Variants in IGSF5 observed in about 807,000 individuals in gnomAD.
The protein encoded by IGSF5 is immunoglobulin superfamily 5 like.
Under a neutral mutation model 39.4 loss-of-function variants are expected in IGSF5, and 41 were observed. That is an observed-to-expected ratio of 1.04 (90% CI 0.81 to 1.35). IGSF5 has a LOEUF of 1.35. Among genes scored for constraint, IGSF5 ranks in the 40% most tolerant of loss-of-function variants. The pLI, the probability that IGSF5 is intolerant of heterozygous loss-of-function variation, is 0.00. For synonymous variants in IGSF5, 183 were observed against 175.3 expected (o/e 1.04, Z -0.34); for missense variants, 487 against 494.6 (o/e 0.98, Z 0.15).
rs752381457 is a variant in IGSF5, at chr21:39,779,148, T to C, written c.777T>C (p.Phe259=). The C allele has an allele frequency of 3.1e-6, 5 of 1,614,036 alleles. No individual in the cohort carries two copies. The highest frequency in any genetic ancestry group is 2.2e-5 in the South Asian group (2 of 91,084). The change falls in exon 5 of 9, where the codon TTT becomes TTC. Residue 259 remains phenylalanine, a synonymous_variant. Coordinates refer to ENST00000380588, the MANE Select transcript of IGSF5 (RefSeq NM_001080444.2). ...TATCAAGTTTACCGAGTTTAGGTTT[T>C]TCATTGCCTACTTGGGGCAAAGTTG... ...GVLSSLPSLG[F]SLPTWGKVGL...
At chr21:39,775,391 T>A (rs1035623971) in intron 4 of IGSF5, among the ~76,000 whole-genome samples, 8 of 152,262 alleles carry the variant, frequency 5.3e-5, no homozygotes, top group African/African-American at 1.4e-4. Flanking sequence ...GTGTCGCCTC[T>A]AGTGGGCACA....
At chr21:39,763,150 G>C (rs1426622299) in intron 2 of IGSF5, among the ~76,000 whole-genome samples, 1 of 152,188 alleles carries the variant, frequency 6.6e-6, no homozygotes, top group Non-Finnish European at 1.5e-5. Flanking sequence ...CAGCTCCTGA[G>C]TCTTGAGGCA....
At chr21:39,747,817 A>T (rs1261797239) in intron 2 of IGSF5, among the ~76,000 whole-genome samples, 1 of 152,164 alleles carries the variant, frequency 6.6e-6, no homozygotes, top group Non-Finnish European at 1.5e-5. Context: ...AGCTAGGGTG[A>T]CAACTCCTAA....
chr21:39,731,428 T>C, the IGSF5 span, among the ~76,000 whole-genome samples: 724 of 152,184 alleles, frequency 4.8e-3, 7 homozygotes, highest in African/African-American at 0.015. Flanking sequence ...TCTCTTTGAG[T>C]GTGGGAGAGT....
chr21:39,765,207 G>A (rs1280736137), intron 2 of IGSF5, among the ~76,000 whole-genome samples: 1 of 152,176 alleles, frequency 6.6e-6, no homozygotes, highest in Non-Finnish European at 1.5e-5. Flanking sequence ...ATTTCATCTT[G>A]AGATCCTTAC....
chr21:39,768,524 T>C (rs1453436556), intron 3 of IGSF5, among the ~76,000 whole-genome samples: 3 of 152,148 alleles, frequency 2.0e-5, no homozygotes, highest in African/African-American at 4.8e-5. Flanking sequence ...GATCGCTGAG[T>C]TGGTCCACTT....
intron 8 of IGSF5, among the ~76,000 whole-genome samples, chr21:39,799,550 A>G (rs1417376050): frequency 1.3e-5 from 2 of 151,692 alleles, no homozygotes. Context: ...CATGTATAGC[A>G]TTGTTTCTAA....
chr21:39,799,145 C>G (rs1029085508), intron 8 of IGSF5, among the ~76,000 whole-genome samples: 10 of 152,318 alleles, frequency 6.6e-5, no homozygotes, highest in Admixed American at 3.9e-4. Flanking sequence ...CTCTAAGCAC[C>G]CTCTCCTGCC....
chr21:39,749,089 G>A (rs935184378), intron 2 of IGSF5, among the ~76,000 whole-genome samples: 1 of 152,178 alleles, frequency 6.6e-6, no homozygotes, highest in Non-Finnish European at 1.5e-5. Context: ...AAAGGAAGTA[G>A]CTGGCTCATT....
At chr21:39,779,009 CAT>C (rs2080155276) in intron 4 of IGSF5, 79 bp from the exon 5 acceptor site, 1 of 1,517,764 alleles carries the variant, frequency 6.6e-7, no homozygotes, top group Non-Finnish European at 8.9e-7. Flanking sequence ...TACTAGAAAA[CAT>C]AATGCAACTT....
chr21:39,783,430 A>G (rs116996665), intron 5 of IGSF5, among the ~76,000 whole-genome samples: 16,760 of 152,054 alleles, frequency 0.11, 907 homozygotes, highest in Middle Eastern at 0.16. Flanking sequence ...ATGATATCTC[A>G]TTGTGGTTTT....
intron 5 of IGSF5, among the ~76,000 whole-genome samples, chr21:39,786,382 G>T (rs1345224230): frequency 1.1e-4 from 16 of 146,480 alleles, no homozygotes; most frequent in African/African-American, 3.6e-4. Flanking sequence ...GGCCATCAGA[G>T]AAATGCAAAT....
chr21:39,778,125 C>T (rs751829742), intron 4 of IGSF5, among the ~76,000 whole-genome samples: 38 of 152,222 alleles, frequency 2.5e-4, no homozygotes, highest in Non-Finnish European at 4.6e-4. Context: ...CAGCGTGGTG[C>T]GCTAGGGAGA....
At chr21:39,736,937 C>T in the IGSF5 span, among the ~76,000 whole-genome samples, 30 of 152,140 alleles carry the variant, frequency 2.0e-4, no homozygotes, top group Non-Finnish European at 4.1e-4. Context: ...ACAAAGCACA[C>T]AGGGCACAAA....
chr21:39,778,622 T>C (rs1249147252), intron 4 of IGSF5, among the ~76,000 whole-genome samples: 2 of 152,190 alleles, frequency 1.3e-5, no homozygotes, highest in African/African-American at 4.8e-5. Context: ...GAAGTGACTG[T>C]CCCTCAGAAT....
chr21:39,724,028 T>A, the IGSF5 span, among the ~76,000 whole-genome samples: 40 of 151,004 alleles, frequency 2.6e-4, no homozygotes, highest in African/African-American at 8.8e-4. Flanking sequence ...ATTGCGCCAC[T>A]GCACTCCAGT....
chr21:39,751,666 A>G (rs1025095479), intron 2 of IGSF5, among the ~76,000 whole-genome samples: 16 of 152,232 alleles, frequency 1.1e-4, no homozygotes, highest in Admixed American at 3.3e-4. Context: ...AGTTTTTAAA[A>G]AAACTTTTAC....
At chr21:39,782,662 A>G (rs2080177376) in intron 5 of IGSF5, among the ~76,000 whole-genome samples, 4 of 152,222 alleles carry the variant, frequency 2.6e-5, no homozygotes, top group South Asian at 2.1e-4. Flanking sequence ...TGTACAATGT[A>G]TAATGATCAA....
chr21:39,738,349 C>T, the IGSF5 span, among the ~76,000 whole-genome samples: 1 of 152,130 alleles, frequency 6.6e-6, no homozygotes, highest in Non-Finnish European at 1.5e-5. This position sits in a 1 kb window ranked among gnomAD's most constrained non-coding sequence, Gnocchi z 6.4. Context: ...TGGGGGAAAC[C>T]GCCCAACAGC....
Sources: allele counts gnomAD v4.1 joint callset (sites outside exome capture counted in the v4.1 genomes callset), GRCh38; gene constraint gnomAD v4.1.1; non-coding constraint Gnocchi (gnomAD v3.1); transcripts MANE v1.5; gene names NCBI Gene and HGNC (gene_info 2026-07-23, HGNC 2026-07-21).